Variants in KIAA0513 observed in about 807,000 individuals in gnomAD.
The protein encoded by KIAA0513 is uncharacterized protein KIAA0513.
In KIAA0513, 39 loss-of-function variants were observed where a neutral mutation model predicts 56.5. The ratio of observed to expected loss-of-function variants is 0.69; its 90% CI spans 0.53 to 0.90. KIAA0513 has a LOEUF of 0.90. Among genes scored for constraint, KIAA0513 ranks in the 40% least tolerant of loss-of-function variants. The pLI is 0.00. For synonymous variants in KIAA0513, 268 were observed against 215.6 expected (o/e 1.24, Z -2.13); for missense variants, 591 against 535.2 (o/e 1.10, Z -1.03).
At chr16:85,044,708 A>C (rs1365318089) in intron 1 of KIAA0513, among the ~76,000 whole-genome samples, 1 of 151,646 alleles carries the variant, frequency 6.6e-6, no homozygotes, top group African/African-American at 2.4e-5. Flanking sequence ...GGGTTTCACC[A>C]TGTTGGCCAG....
chr16:85,057,070 T>C (rs2073340501), intron 1 of KIAA0513, among the ~76,000 whole-genome samples: 1 of 152,218 alleles, frequency 6.6e-6, no homozygotes, highest in Non-Finnish European at 1.5e-5. Context: ...TCAGTTGTTC[T>C]TGTTTGCGCA....
At chr16:85,086,144 C>T (rs946298616) in intron 10 of KIAA0513, among the ~76,000 whole-genome samples, 6 of 152,336 alleles carry the variant, frequency 3.9e-5, no homozygotes, top group Admixed American at 2.0e-4. Flanking sequence ...GGCCCCAGGA[C>T]GACGCACCTC....
chr16:85,041,421 C>G (rs1301026184), intron 1 of KIAA0513, among the ~76,000 whole-genome samples: 2 of 152,216 alleles, frequency 1.3e-5, no homozygotes, highest in East Asian at 3.8e-4. Flanking sequence ...CTGGCATCTG[C>G]CTCCTGGAGT....
chr16:85,071,727 A>C, intron 2 of KIAA0513, 56 bp from the exon 3 acceptor site: 1 of 1,373,882 alleles, frequency 7.3e-7, no homozygotes, highest in Non-Finnish European at 9.9e-7. Context: ...CTGTTGCTCC[A>C]GGGGATTGAA....
At chr16:85,067,573 C>T (rs2073506124) in intron 2 of KIAA0513, among the ~76,000 whole-genome samples, 173 bp downstream of exon 2, 1 of 152,222 alleles carries the variant, frequency 6.6e-6, no homozygotes, top group African/African-American at 2.4e-5. Flanking sequence ...AGGCTGCATG[C>T]AGAGCCACGT....
At chr16:85,077,741 A>G in intron 6 of KIAA0513, 109 bp downstream of exon 6, 1 of 794,560 alleles carries the variant, frequency 1.3e-6, no homozygotes, top group Admixed American at 2.8e-5. Flanking sequence ...AGAGACTGTC[A>G]GGAACACTGC....
rs1467215545 is a variant in KIAA0513, at chr16:85,076,512, T to C, written c.574+598T>C. On this transcript the variant is annotated intron_variant, in intron 5 of 12. Transcript: ENST00000683363. The surrounding 1 kb of genome is among the most constrained non-coding windows in gnomAD (Gnocchi z 4.7). ...GCAACAGGACTCATTCAGGCCACCA[T>C]AGGTGGGAGGTTGCTGGAAGCCTCC... Among the ~76,000 whole-genome samples, 1 of 152,146 alleles carries C rather than the reference T, an allele frequency of 6.6e-6. No homozygotes were observed. The highest frequency in any genetic ancestry group is 1.5e-5 in the Non-Finnish European group (1 of 68,000).
rs201225053 is a variant in KIAA0513, at chr16:85,072,984, A to C, written c.489A>C (p.Ala163=). 2.3e-4 allele frequency: 377 copies of C among 1,613,966 alleles called. No individual in the cohort carries two copies. Among genetic ancestry groups the C allele is most frequent in the Non-Finnish European group, 3.0e-4 (349 of 1,179,960 alleles). The change falls in exon 4 of 13, where the codon GCA becomes GCC. Residue 163 remains alanine (A), a synonymous_variant. Coordinates refer to ENST00000683363, the MANE Select transcript of KIAA0513 (RefSeq NM_001388359.1). ...ATFYRLVQSF[A]VVLFECHQMD... ...TCTACCGCCTGGTGCAGTCTTTTGC[A>C]GTGGTGCTGTTCGAGTAAGTAATGC... is the stretch of plus-strand genomic sequence containing the variant.
At chr16:85,067,760 A>T (rs1008077923) in intron 2 of KIAA0513, among the ~76,000 whole-genome samples, 1 of 151,984 alleles carries the variant, frequency 6.6e-6, no homozygotes, top group African/African-American at 2.4e-5. Context: ...GGTCCCCATC[A>T]TCCCCGTGAG....
chr16:85,034,394 A>G (rs2073007427), intron 1 of KIAA0513, among the ~76,000 whole-genome samples: 1 of 152,174 alleles, frequency 6.6e-6, no homozygotes, highest in Non-Finnish European at 1.5e-5. Context: ...AAACAGCGAC[A>G]ACAACAAAAA....
At chr16:85,034,767 C>T (rs970227970) in intron 1 of KIAA0513, among the ~76,000 whole-genome samples, 15 of 152,156 alleles carry the variant, frequency 9.9e-5, no homozygotes, top group Admixed American at 9.2e-4. Flanking sequence ...ATAACGTAGC[C>T]AAGGTTACCG....
At chr16:85,068,726 C>T (rs1002175866) in intron 2 of KIAA0513, among the ~76,000 whole-genome samples, 1 of 152,202 alleles carries the variant, frequency 6.6e-6, no homozygotes, top group Non-Finnish European at 1.5e-5. Context: ...CTCGGCCTCC[C>T]AAAGTGCTGG....
At chr16:85,071,717 C>T in intron 2 of KIAA0513, 66 bp from the exon 3 acceptor site, 2 of 1,297,160 alleles carry the variant, frequency 1.5e-6, no homozygotes, top group African/African-American at 1.5e-5. Flanking sequence ...TGCTCTTCCC[C>T]TGTTGCTCCA....
At chr16:85,078,476 G>T (rs753985328) in intron 7 of KIAA0513, 21 bp downstream of exon 7, 16 of 1,611,622 alleles carry the variant, frequency 9.9e-6, no homozygotes, top group Non-Finnish European at 1.4e-5. Context: ...CCAGGCAGCA[G>T]CAGGAGACGC....
At chr16:85,072,140 C>T (rs2073586257) in intron 3 of KIAA0513, among the ~76,000 whole-genome samples, 1 of 152,054 alleles carries the variant, frequency 6.6e-6, no homozygotes, top group Non-Finnish European at 1.5e-5. Context: ...ATCGCTTGAG[C>T]CCAGGAGCTT....
At chr16:85,065,291 G>C (rs927653767) in intron 1 of KIAA0513, among the ~76,000 whole-genome samples, 3 of 152,230 alleles carry the variant, frequency 2.0e-5, no homozygotes, top group Non-Finnish European at 2.9e-5. Context: ...CCCTGGCCGG[G>C]GACGCAGCTG....
chr16:85,086,148 G>A (rs2073805069), intron 10 of KIAA0513, among the ~76,000 whole-genome samples: 1 of 152,232 alleles, frequency 6.6e-6, no homozygotes. Flanking sequence ...CCAGGACGAC[G>A]CACCTCGCTT....
At chr16:85,029,949 G>A (rs1236973554) in intron 1 of KIAA0513, among the ~76,000 whole-genome samples, 1 of 152,168 alleles carries the variant, frequency 6.6e-6, no homozygotes, top group African/African-American at 2.4e-5. Flanking sequence ...GCTACTGGGG[G>A]CACAGTGAAG....
At chr16:85,053,014 A>T (rs2073276237) in intron 1 of KIAA0513, among the ~76,000 whole-genome samples, 1 of 152,046 alleles carries the variant, frequency 6.6e-6, no homozygotes, top group Non-Finnish European at 1.5e-5. Flanking sequence ...CAGCCTCCCA[A>T]GTAGCTGGGA....
Sources: allele counts gnomAD v4.1 joint callset (sites outside exome capture counted in the v4.1 genomes callset), GRCh38; gene constraint gnomAD v4.1.1; non-coding constraint Gnocchi (gnomAD v3.1); transcripts MANE v1.5; gene names NCBI Gene and HGNC (gene_info 2026-07-23, HGNC 2026-07-21).